Variants in SYT1 observed in about 807,000 individuals in gnomAD.
SYT1 encodes the protein synaptotagmin 1.
A neutral mutation model predicts 44.8 loss-of-function variants in SYT1; 8 were observed. The observed-to-expected ratio is 0.18, with a 90% CI of 0.10 to 0.32. SYT1 has a LOEUF of 0.32. SYT1 is among the 10% of genes least tolerant of loss of function. The pLI is 1.00. For missense variants in SYT1, 286 were observed against 509.3 expected (o/e 0.56, Z 4.22); for synonymous variants, 154 against 188.8 (o/e 0.82, Z 1.51).
intron 3 of SYT1, among the ~76,000 whole-genome samples, chr12:79,092,672 C>T (rs1170318642): frequency 1.3e-5 from 2 of 151,552 alleles, no homozygotes; most frequent in African/African-American, 4.8e-5. Flanking sequence ...CACTGAAGTT[C>T]GGAATTCTTA....
intron 8 of SYT1, among the ~76,000 whole-genome samples, chr12:79,343,174 T>C (rs1284257572): frequency 2.4e-4 from 37 of 152,150 alleles, no homozygotes; most frequent in Admixed American, 2.4e-3. Context: ...TTCGGTAATA[T>C]GGATGTCATT....
chr12:79,057,855 C>G (rs192674635), intron 3 of SYT1, among the ~76,000 whole-genome samples: 2 of 151,496 alleles, frequency 1.3e-5, no homozygotes, highest in Non-Finnish European at 2.9e-5. Flanking sequence ...AAGCCTGAAA[C>G]AAAACAAAAT....
At chr12:78,953,824 A>C (rs1036500051) in intron 1 of SYT1, among the ~76,000 whole-genome samples, 2 of 152,102 alleles carry the variant, frequency 1.3e-5, no homozygotes, top group Admixed American at 6.6e-5. Flanking sequence ...AAAGTGCATC[A>C]GATTTTTTAT....
chr12:78,918,037 C>T (rs545937105), intron 1 of SYT1, among the ~76,000 whole-genome samples: 1 of 151,994 alleles, frequency 6.6e-6, no homozygotes, highest in Non-Finnish European at 1.5e-5. Flanking sequence ...GTTCATTAGC[C>T]TCTGTAACTT....
chr12:79,113,428 G>A (rs915247545), intron 3 of SYT1, among the ~76,000 whole-genome samples: 13 of 151,902 alleles, frequency 8.6e-5, no homozygotes, highest in East Asian at 1.9e-4. Flanking sequence ...CGTTGTATTC[G>A]TTGACCAAAA....
At chr12:78,886,777 G>A (rs189358443) in intron 1 of SYT1, among the ~76,000 whole-genome samples, 5 of 151,990 alleles carry the variant, frequency 3.3e-5, no homozygotes, top group African/African-American at 9.7e-5. Context: ...GTGTATGATA[G>A]TGCGTTATTT....
chr12:79,350,539 A>G (rs1592991148), intron 8 of SYT1, among the ~76,000 whole-genome samples: 1 of 152,008 alleles, frequency 6.6e-6, no homozygotes, highest in Non-Finnish European at 1.5e-5. Context: ...GGCGTGAGCC[A>G]CCGCGCCCGG....
chr12:78,978,188 A>G (rs1373009931), intron 2 of SYT1, among the ~76,000 whole-genome samples: 2 of 152,180 alleles, frequency 1.3e-5, no homozygotes, highest in Non-Finnish European at 2.9e-5. Context: ...CTCCTTGTAT[A>G]ACATGTTTGC....
chr12:78,977,091 G>GA (rs990760887), intron 1 of SYT1, among the ~76,000 whole-genome samples: 3 of 151,384 alleles, frequency 2.0e-5, no homozygotes, highest in African/African-American at 7.3e-5. Flanking sequence ...AAAGAATGGG[G>GA]AAAAAAGAAG....
chr12:79,147,734 A>G (rs1244868397), intron 3 of SYT1, among the ~76,000 whole-genome samples: 1 of 152,222 alleles, frequency 6.6e-6, no homozygotes, highest in Non-Finnish European at 1.5e-5. Flanking sequence ...ATACCTAATG[A>G]GTTCATAAAA....
chr12:78,968,999 C>A (rs980183418), intron 1 of SYT1, among the ~76,000 whole-genome samples: 8 of 152,144 alleles, frequency 5.3e-5, no homozygotes, highest in Admixed American at 4.6e-4. Context: ...AATATATATG[C>A]AGTGACCCTT....
chr12:79,247,055 G>T (rs1314251255), intron 4 of SYT1, among the ~76,000 whole-genome samples: 1 of 152,064 alleles, frequency 6.6e-6, no homozygotes, highest in Non-Finnish European at 1.5e-5. Flanking sequence ...AAGGATAAAG[G>T]TTTTTTTAAT....
chr12:78,891,468 A>G (rs1875047612), intron 1 of SYT1, among the ~76,000 whole-genome samples: 1 of 151,916 alleles, frequency 6.6e-6, no homozygotes, highest in African/African-American at 2.4e-5. Flanking sequence ...TGTACAAGAG[A>G]GTTAAAAATG....
At chr12:79,179,838 C>CA (rs1449610767) in intron 3 of SYT1, among the ~76,000 whole-genome samples, 1 of 151,994 alleles carries the variant, frequency 6.6e-6, no homozygotes, top group Non-Finnish European at 1.5e-5. Context: ...TCTCACTTAA[C>CA]AATGTATATT....
chr12:79,198,169 C>T (rs1271468482), intron 3 of SYT1, among the ~76,000 whole-genome samples: 1 of 152,086 alleles, frequency 6.6e-6, no homozygotes, highest in East Asian at 1.9e-4. Flanking sequence ...ATATTCTCAG[C>T]TCCTTATCTT....
chr12:79,356,465 G>GA (rs1029764152), intron 9 of SYT1, among the ~76,000 whole-genome samples: 10 of 152,052 alleles, frequency 6.6e-5, no homozygotes, highest in African/African-American at 2.2e-4. Context: ...GCTATGGCCT[G>GA]AAAAAACAAG....
rs141966106 is a variant in SYT1 at position 79,449,020 on chromosome 12, C to G, written c.1165C>G (p.Arg389Gly). 7 of 1,614,094 alleles carry G rather than the reference C, an allele frequency of 4.3e-6. No individual in the cohort carries two copies. The highest frequency in any genetic ancestry group is 5.9e-6 in the Non-Finnish European group (7 of 1,180,032). The change falls in exon 11 of 11, where the codon CGA becomes GGA. Residue 389 changes from arginine (R) to glycine (G), a missense_variant. Arg to Gly is a moderately radical substitution (Grantham distance 125). Coordinates refer to ENST00000261205, the MANE Select transcript of SYT1 (RefSeq NM_005639.3). ...VGYNSTGAELRHWSDMLANPR... is the reference protein window; with the variant it reads ...VGYNSTGAELGHWSDMLANPR... The stretch of plus-strand genomic sequence containing the variant: ...CTACAACAGCACCGGCGCGGAGCTG[C>G]GACACTGGTCAGACATGCTGGCCAA...
intron 4 of SYT1, among the ~76,000 whole-genome samples, chr12:79,227,784 G>C (rs1385351666): frequency 6.6e-6 from 1 of 152,086 alleles, no homozygotes; most frequent in East Asian, 1.9e-4. Flanking sequence ...ATGTGAAGTC[G>C]TTAGCAGAGT....
intron 3 of SYT1, among the ~76,000 whole-genome samples, chr12:79,217,146 G>A (rs148776704): frequency 5.3e-5 from 8 of 152,104 alleles, no homozygotes; most frequent in African/African-American, 1.9e-4. Flanking sequence ...TATAAAGCAT[G>A]TATTTCATCA....
Sources: allele counts gnomAD v4.1 joint callset (sites outside exome capture counted in the v4.1 genomes callset), GRCh38; gene constraint gnomAD v4.1.1; transcripts MANE v1.5; gene names NCBI Gene and HGNC (gene_info 2026-07-23, HGNC 2026-07-21).